Variants in PDCD1LG2 observed in about 807,000 individuals in gnomAD.
PDCD1LG2 encodes the protein B7 dendritic cell molecule.
Under a neutral mutation model 28.2 loss-of-function variants are expected in PDCD1LG2, and 32 were observed. That is an observed-to-expected ratio of 1.13 (90% CI 0.86 to 1.52). PDCD1LG2 has a LOEUF of 1.52. Among genes scored for constraint, PDCD1LG2 ranks in the 40% most tolerant of loss-of-function variants. The pLI is 0.00. For missense variants in PDCD1LG2, 385 were observed against 323.8 expected (o/e 1.19, Z -1.45); for synonymous variants, 116 against 120.2 (o/e 0.97, Z 0.23).
intron 4 of PDCD1LG2, among the ~76,000 whole-genome samples, chr9:5,554,756 T>C (rs1816404115): frequency 1.3e-5 from 2 of 152,312 alleles, no homozygotes; most frequent in African/African-American, 2.4e-5. Context: ...GAAAAGAGAA[T>C]CCTTCCTAGG....
intron 1 of PDCD1LG2, among the ~76,000 whole-genome samples, chr9:5,520,535 T>C (rs967805402): frequency 6.6e-6 from 1 of 152,222 alleles, no homozygotes; most frequent in African/African-American, 2.4e-5. Context: ...GCTCCATTTA[T>C]ATTTATCTTA....
intron 1 of PDCD1LG2, among the ~76,000 whole-genome samples, chr9:5,521,934 C>T (rs1037093787): frequency 3.3e-5 from 5 of 152,148 alleles, no homozygotes; most frequent in South Asian, 4.1e-4. Flanking sequence ...GTGGGGCATT[C>T]GCAGCCCCCA....
chr9:5,524,898 G>T (rs1820341640), intron 2 of PDCD1LG2, among the ~76,000 whole-genome samples: 1 of 152,138 alleles, frequency 6.6e-6, no homozygotes, highest in Admixed American at 6.5e-5. Context: ...AGCTATCAGG[G>T]TGTCCAGACA....
chr9:5,515,721 A>T (rs1820144642), intron 1 of PDCD1LG2, among the ~76,000 whole-genome samples: 1 of 151,944 alleles, frequency 6.6e-6, no homozygotes, highest in Admixed American at 6.6e-5. Context: ...TCAGAGTTCG[A>T]GACCAGCTTG....
At chr9:5,559,449 T>G (rs767256669) in intron 5 of PDCD1LG2, among the ~76,000 whole-genome samples, 1 of 152,214 alleles carries the variant, frequency 6.6e-6, no homozygotes. Context: ...CTGCTGGTGA[T>G]GCAGACAGAG....
chr9:5,512,986 G>A (rs1180963468), intron 1 of PDCD1LG2, among the ~76,000 whole-genome samples: 2 of 151,848 alleles, frequency 1.3e-5, no homozygotes, highest in South Asian at 2.1e-4. Context: ...CTGAAGTTAG[G>A]GCCTTGTTAC....
intron 3 of PDCD1LG2, among the ~76,000 whole-genome samples, chr9:5,541,365 A>G (rs192420570): frequency 6.6e-6 from 1 of 152,240 alleles, no homozygotes; most frequent in Admixed American, 6.5e-5. Context: ...CAGAGCACTC[A>G]AAGAGAAAGA....
At chr9:5,536,849 G>A (rs191613562) in intron 3 of PDCD1LG2, among the ~76,000 whole-genome samples, 4 of 152,292 alleles carry the variant, frequency 2.6e-5, no homozygotes, top group East Asian at 1.9e-4. Flanking sequence ...CCAAATACTC[G>A]TTCCCAAAAT....
intron 4 of PDCD1LG2, 49 bp downstream of exon 4, chr9:5,549,653 G>C (rs2129879953): frequency 6.3e-7 from 1 of 1,599,122 alleles, no homozygotes; most frequent in Non-Finnish European, 8.6e-7. Context: ...GTTCAGACAA[G>C]AAACAGATGG....
rs1412600115 is a variant in PDCD1LG2, at chr9:5,563,187, A to C, written c.792A>C (p.Thr264=). The change falls in exon 6 of 7, where the codon ACA becomes ACC. Residue 264 remains threonine, a synonymous_variant. Transcript: ENST00000397747. ...ACACAACAAAAAGACCTGTCACCAC[A>C]ACAAAGAGGGAAGTGAACAGTGCTG... is the stretch of plus-strand genomic sequence containing the variant. ...SKDTTKRPVT[T]TKREVNSAI 1 of 1,612,848 alleles carries C rather than the reference A, an allele frequency of 6.2e-7. No individual in the cohort carries two copies. Among genetic ancestry groups the C allele is most frequent in the Admixed American group, 1.7e-5 (1 of 59,948 alleles).
chr9:5,549,529 C>A lies in PDCD1LG2; in HGVS notation c.556C>A (p.Pro186Thr), dbSNP rs762078498. 1 of 1,614,190 alleles carries A rather than the reference C, an allele frequency of 6.2e-7. No homozygotes were observed. The highest frequency in any genetic ancestry group is 8.5e-7 in the Non-Finnish European group (1 of 1,180,038). Residue 186 changes from proline to threonine, a missense_variant, in exon 4 of 7, where the codon CCT (proline) becomes ACT (threonine). Coordinates refer to ENST00000397747, the MANE Select transcript of PDCD1LG2 (RefSeq NM_025239.4). ...VTSVLRLKPP[P>T]GRNFSCVFWN... The stretch of plus-strand genomic sequence containing the variant: ...CAGTGTTCTGCGCCTAAAGCCACCC[C>A]CTGGCAGAAACTTCAGCTGTGTGTT...
rs1186625511 is a variant in PDCD1LG2, at chr9:5,570,605, A to G, written c.*646A>G. ...GTTTTTGAGGTCTAAGTCACAAAGCATTTGTTTTAACCTGTAATGGCACCA... is the reference window on the plus strand; with the variant it reads ...GTTTTTGAGGTCTAAGTCACAAAGCGTTTGTTTTAACCTGTAATGGCACCA... On this transcript the variant is annotated 3_prime_UTR_variant, in exon 7 of 7. Transcript: ENST00000397747. The G allele has an allele frequency of 8.6e-6, 2 of 232,582 alleles. No homozygotes were observed. Among genetic ancestry groups the G allele is most frequent in the Admixed American group, 1.1e-4 (2 of 17,762 alleles). The allele number at this position is 232,582 out of a possible 1,614,324, so 14.4% of individuals were successfully genotyped here.
chr9:5,524,915 A>G (rs10121814), intron 2 of PDCD1LG2, among the ~76,000 whole-genome samples: 24,217 of 152,188 alleles, frequency 0.16, 2,126 homozygotes, highest in East Asian at 0.32. Context: ...GACAGACAGA[A>G]GATTACATTT....
intron 1 of PDCD1LG2, among the ~76,000 whole-genome samples, chr9:5,513,127 A>G (rs1820092760): frequency 6.6e-6 from 1 of 152,212 alleles, no homozygotes; most frequent in South Asian, 2.1e-4. Flanking sequence ...ATTGTCACTT[A>G]GTTTTTGAGT....
At chr9:5,524,572 A>T (rs1431302446) in intron 2 of PDCD1LG2, among the ~76,000 whole-genome samples, 1 of 152,182 alleles carries the variant, frequency 6.6e-6, no homozygotes, top group East Asian at 1.9e-4. Flanking sequence ...GGATTTTTTT[A>T]AAATCTTGTC....
At chr9:5,562,971 G>C (rs1159884349) in intron 5 of PDCD1LG2, among the ~76,000 whole-genome samples, 191 bp from the exon 6 acceptor site, 1 of 152,158 alleles carries the variant, frequency 6.6e-6, no homozygotes, top group Admixed American at 6.5e-5. Flanking sequence ...AGACTTCTTT[G>C]TTCACACTCT....
At chr9:5,538,826 T>C (rs1327946225) in intron 3 of PDCD1LG2, among the ~76,000 whole-genome samples, 1 of 152,182 alleles carries the variant, frequency 6.6e-6, no homozygotes, top group Non-Finnish European at 1.5e-5. Flanking sequence ...TTTGGGTATA[T>C]GTGAATGTAT....
At chr9:5,559,916 G>A (rs930330315) in intron 5 of PDCD1LG2, among the ~76,000 whole-genome samples, 2 of 152,108 alleles carry the variant, frequency 1.3e-5, no homozygotes, top group African/African-American at 4.8e-5. Flanking sequence ...AGTCCTCAGA[G>A]GCATGGCAGT....
chr9:5,563,104 A>G, intron 5 of PDCD1LG2, 58 bp from the exon 6 acceptor site: 2 of 1,349,008 alleles, frequency 1.5e-6, no homozygotes, highest in Non-Finnish European at 2.1e-6. Flanking sequence ...ATTTTAATCT[A>G]TAAGCCAAAC....
Sources: allele counts gnomAD v4.1 joint callset (sites outside exome capture counted in the v4.1 genomes callset), GRCh38; gene constraint gnomAD v4.1.1; transcripts MANE v1.5; gene names NCBI Gene and HGNC (gene_info 2026-07-23, HGNC 2026-07-21).